AURKA: variants seen among roughly 807,000 people sequenced by gnomAD.
AURKA encodes the protein aurora 2.
In AURKA, 12 loss-of-function variants were observed where a neutral mutation model predicts 40.9. That is an observed-to-expected ratio of 0.29 (90% CI 0.19 to 0.48). AURKA has a LOEUF of 0.48. Among genes scored for constraint, AURKA ranks in the 20% least tolerant of loss-of-function variants. The pLI is 0.99. For missense variants in AURKA, 322 were observed against 462.1 expected, an observed-to-expected ratio of 0.70 and a Z score of 2.78; for synonymous variants, 170 against 164.3, an observed-to-expected ratio of 1.03 and a Z score of -0.26.
At chr20:56,372,051 TAACGAAGGTTGG>T (rs1984311231) in intron 7 of AURKA, among the ~76,000 whole-genome samples, 1 of 152,226 alleles carries the variant, frequency 6.6e-6, no homozygotes. Flanking sequence ...TAGGTTTTTT[TAACGAAGGTTGG>T]AAAAAAGCTG....
chr20:56,379,890 G>A (rs761747637), intron 6 of AURKA, among the ~76,000 whole-genome samples: 2 of 151,526 alleles, frequency 1.3e-5, no homozygotes, highest in African/African-American at 2.4e-5. Flanking sequence ...TTGAACCCAG[G>A]AGGTGAAGGC....
At chr20:56,391,146 G>A (rs1987056596) in intron 1 of AURKA, among the ~76,000 whole-genome samples, 1 of 152,228 alleles carries the variant, frequency 6.6e-6, no homozygotes. Flanking sequence ...ATTTTGAATA[G>A]AAAAGCTGTT....
intron 6 of AURKA, among the ~76,000 whole-genome samples, chr20:56,374,462 A>T (rs1280883461): frequency 2.0e-5 from 3 of 152,256 alleles, no homozygotes; most frequent in Non-Finnish European, 4.4e-5. Flanking sequence ...AGAAAAAATT[A>T]TCCTGAACAA....
Position 56,370,212 on chromosome 20 carries a change from A to G in AURKA, c.1158T>C (p.Asn386=), listed in dbSNP as rs1290167761. Residue 386 remains asparagine, a synonymous_variant, in exon 9 of 9, where the codon AAT becomes AAC. Coordinates refer to ENST00000395915, the MANE Select transcript of AURKA (RefSeq NM_198437.3). ...TTTGGCAATTTGATGGTTTTGATGA[A>G]TTTGCTGTGATCCAGGGGTGTTCAA... ...EVLEHPWITA[N]SSKPSNCQNK... 6.2e-7 allele frequency: 1 copy of G among 1,613,808 alleles called. No individual in the cohort carries two copies. Among genetic ancestry groups the G allele is most frequent in the Non-Finnish European group, 8.5e-7 (1 of 1,180,000 alleles).
At chr20:56,372,646 C>T (rs1376680174) in intron 7 of AURKA, among the ~76,000 whole-genome samples, 2 of 151,338 alleles carry the variant, frequency 1.3e-5, no homozygotes, top group Non-Finnish European at 2.9e-5. Flanking sequence ...CTATTTTAGG[C>T]TATACTTTTT....
At position 56,392,215 on chromosome 20, in the gene AURKA, C is replaced by G. The variant is rs912192450; in HGVS notation, c.-53G>C. ...TTCCAAGAGCTCAGCCGTTAGAATT[C>G]AAAGGTTCTTCTTTTTAAATAGGAG... On this transcript the variant is annotated 5_prime_UTR_variant, in exon 1 of 9. Transcript: ENST00000395915. 3.9e-5 allele frequency: 6 copies of G among 152,280 alleles called. No individual in the cohort carries two copies. Among genetic ancestry groups the G allele is most frequent in the African/African-American group, 1.4e-4 (6 of 41,450 alleles). 9.4% of individuals were successfully genotyped at this position (152,280 alleles called of 1,614,324 possible).
At chr20:56,371,708 G>A (rs1376730941) in intron 7 of AURKA, among the ~76,000 whole-genome samples, 1 of 150,982 alleles carries the variant, frequency 6.6e-6, no homozygotes, top group Non-Finnish European at 1.5e-5. Flanking sequence ...TACAAAGCAT[G>A]GGCTTTGGTT....
intron 6 of AURKA, among the ~76,000 whole-genome samples, chr20:56,374,941 G>A (rs754804209): frequency 2.6e-5 from 4 of 152,092 alleles, no homozygotes; most frequent in East Asian, 1.9e-4. Context: ...GCAGCTACTC[G>A]GGAGGCTGAG....
At chr20:56,386,115 C>A in intron 3 of AURKA, 142 bp downstream of exon 3, 1 of 1,237,090 alleles carries the variant, frequency 8.1e-7, no homozygotes, top group Non-Finnish European at 1.2e-6. Context: ...ACTGTTACTT[C>A]AACCCAGACA....
At position 56,382,929 on chromosome 20, in the gene AURKA, G is replaced by A. The variant is rs972853385; in HGVS notation, c.566+56C>T. The A allele has an allele frequency of 1.0e-5, 16 of 1,585,994 alleles. No individual in the cohort carries two copies. The Admixed American group carries it at 1.2e-4, about 12-fold the overall frequency. ...GCAGTGGGAGGCTGACATTACAGGA[G>A]GGGGAGGGGTGCAGCATTGGTGAAC... On this transcript the variant is annotated intron_variant, in intron 5 of 8. Coordinates refer to ENST00000395915, the MANE Select transcript of AURKA (RefSeq NM_198437.3).
At chr20:56,382,174 AG>A (rs1201805117) in intron 5 of AURKA, among the ~76,000 whole-genome samples, 1 of 151,658 alleles carries the variant, frequency 6.6e-6, no homozygotes, top group Non-Finnish European at 1.5e-5. Context: ...AAAAAAAAAA[AG>A]GAAAAAAAAA....
chr20:56,379,910 C>G (rs534851764), intron 6 of AURKA, among the ~76,000 whole-genome samples: 1 of 150,848 alleles, frequency 6.6e-6, no homozygotes, highest in Admixed American at 6.6e-5. Context: ...CTGCAGTGAG[C>G]CAAGATTATG....
chr20:56,390,325 G>A (rs74317729), intron 1 of AURKA, among the ~76,000 whole-genome samples: 1 of 99,852 alleles, frequency 1.0e-5, no homozygotes. Flanking sequence ...TTTTTTTTTT[G>A]AGATAGAGTT....
At chr20:56,386,948 T>C (rs1363131547) in intron 2 of AURKA, among the ~76,000 whole-genome samples, 1 of 152,046 alleles carries the variant, frequency 6.6e-6, no homozygotes, top group Non-Finnish European at 1.5e-5. Context: ...AAAAAATACG[T>C]CAAAACGTTC....
intron 1 of AURKA, 28 bp from the exon 2 acceptor site, chr20:56,388,230 T>A: frequency 9.4e-7 from 1 of 1,061,844 alleles, no homozygotes; most frequent in Non-Finnish European, 1.1e-6. Context: ...AACCTTTAAT[T>A]TGAACAAAGC....
intron 6 of AURKA, among the ~76,000 whole-genome samples, chr20:56,376,862 C>G (rs150955174): frequency 3.9e-5 from 6 of 152,218 alleles, no homozygotes; most frequent in Non-Finnish European, 5.9e-5. Context: ...GGCAAATCAC[C>G]TGAGGTCAGG....
rs374112531 is a variant in AURKA at position 56,370,133 on chromosome 20, A to G, written c.*25T>C. On this transcript the variant is annotated 3_prime_UTR_variant, in exon 9 of 9. Transcript: ENST00000395915. ...TCAGGTTATATGGCAGCCCTGGCTC[A>G]AGGATTTCTCCCCCTGCACGATTCC... The G allele has an allele frequency of 8.1e-6, 13 of 1,612,024 alleles. No individual in the cohort carries two copies. The highest frequency in any genetic ancestry group is 1.1e-5 in the Non-Finnish European group (13 of 1,179,830).
intron 1 of AURKA, chr20:56,388,610 G>A (rs374185847): frequency 1.5e-4 from 33 of 218,310 alleles, no homozygotes; most frequent in African/African-American, 6.9e-4. Context: ...TCAAGAGTTC[G>A]AGACCAGCCT....
chr20:56,388,821 A>G (rs1454240309), intron 1 of AURKA: 1 of 153,218 alleles, frequency 6.5e-6, no homozygotes, highest in Non-Finnish European at 1.5e-5. Context: ...TCAAAACAAT[A>G]AAATAAAATA....
Sources: allele counts gnomAD v4.1 joint callset (sites outside exome capture counted in the v4.1 genomes callset), GRCh38; gene constraint gnomAD v4.1.1; transcripts MANE v1.5; gene names NCBI Gene and HGNC (gene_info 2026-07-23, HGNC 2026-07-21).